The following FBXL17 variants were observed in gnomAD, a reference collection of about 807,000 sequenced individuals.
FBXL17 encodes F-box and leucine rich repeat protein 17, also known as F-box/LRR-repeat protein 17.
In FBXL17, 22 loss-of-function variants were observed where a neutral mutation model predicts 66.2. The ratio of observed to expected loss-of-function variants is 0.33; its 90% CI spans 0.24 to 0.47. The LOEUF (loss-of-function observed/expected upper bound fraction) is 0.47. Ranked by LOEUF, FBXL17 falls within the 20% of genes least tolerant of loss-of-function variation. The pLI is 1.00. For synonymous variants in FBXL17, 474 were observed against 400.5 expected (o/e 1.18, Z -2.19); for missense variants, 878 against 948.2 (o/e 0.93, Z 0.97).
rs559536344 is a variant in FBXL17 at position 108,033,998 on chromosome 5, T to C, written c.1746-12997A>G. On this transcript the variant is annotated intron_variant, in intron 6 of 8. Transcript: ENST00000542267. ...TAAAAATATATATGTGTCATATAAT[T>C]AATGCATTTTACAGGCAATACTTGT... 2.2e-4 allele frequency among the ~76,000 whole-genome samples: 34 copies of C among 152,302 alleles called. No individual in the cohort carries two copies. The South Asian group carries it at 5.6e-3, about 25-fold the overall frequency.
chr5:108,010,656 A>G (rs1451282417), intron 7 of FBXL17, among the ~76,000 whole-genome samples: 1 of 152,186 alleles, frequency 6.6e-6, no homozygotes, highest in Non-Finnish European at 1.5e-5. Flanking sequence ...CTCTACCATA[A>G]CGTGCATAAG....
At chr5:108,182,377 T>C (rs921139599) in intron 6 of FBXL17, among the ~76,000 whole-genome samples, 3 of 152,146 alleles carry the variant, frequency 2.0e-5, no homozygotes, top group African/African-American at 7.2e-5. Flanking sequence ...TTTATACCAA[T>C]ATAACTACAA....
intron 7 of FBXL17, among the ~76,000 whole-genome samples, chr5:107,912,497 C>T (rs977784846): frequency 1.3e-5 from 2 of 152,012 alleles, no homozygotes; most frequent in African/African-American, 4.8e-5. Flanking sequence ...GAACAAAGTA[C>T]ATCTATATGT....
At chr5:108,245,426 A>C (rs987898825) in intron 4 of FBXL17, among the ~76,000 whole-genome samples, 16 of 152,222 alleles carry the variant, frequency 1.1e-4, no homozygotes, top group Non-Finnish European at 1.3e-4. Context: ...CATTTCTTAC[A>C]TATTCATGTT....
intron 4 of FBXL17, among the ~76,000 whole-genome samples, chr5:108,231,929 C>T (rs1005454441): frequency 2.6e-5 from 4 of 152,112 alleles, no homozygotes; most frequent in South Asian, 2.1e-4. Flanking sequence ...GGACTACAAA[C>T]GGTCCAGACT....
intron 7 of FBXL17, among the ~76,000 whole-genome samples, chr5:107,978,766 G>A (rs962302984): frequency 3.9e-5 from 6 of 152,164 alleles, no homozygotes; most frequent in Admixed American, 3.3e-4. Context: ...CCTTCGGAGA[G>A]ACTGGCTGAA....
chr5:108,028,962 C>G (rs900303373), intron 6 of FBXL17, among the ~76,000 whole-genome samples: 1 of 151,982 alleles, frequency 6.6e-6, no homozygotes, highest in African/African-American at 2.4e-5. Context: ...TAATTTGATG[C>G]CTTTGAAAGC....
chr5:108,021,150 C>T, intron 6 of FBXL17, 149 bp from the exon 7 acceptor site: 1 of 545,976 alleles, frequency 1.8e-6, no homozygotes, highest in Admixed American at 3.1e-5. Context: ...GCTTTAAAGT[C>T]AAGTGCTGTC....
intron 6 of FBXL17, among the ~76,000 whole-genome samples, chr5:108,154,182 G>A (rs545599756): frequency 3.3e-5 from 5 of 151,268 alleles, no homozygotes; most frequent in Admixed American, 1.3e-4. Flanking sequence ...CTTCAAAATG[G>A]GAGAATGAGA....
At chr5:108,182,021 G>A (rs977601863) in intron 6 of FBXL17, among the ~76,000 whole-genome samples, 3 of 152,098 alleles carry the variant, frequency 2.0e-5, no homozygotes, top group Admixed American at 6.6e-5. Flanking sequence ...ATGAGAACAC[G>A]TGTAAAGTGC....
chr5:108,320,183 C>T (rs1263412346), intron 4 of FBXL17, among the ~76,000 whole-genome samples: 2 of 151,456 alleles, frequency 1.3e-5, no homozygotes, highest in Non-Finnish European at 3.0e-5. Flanking sequence ...TCTTTTACGC[C>T]CTTCTTTGTT....
At chr5:107,877,405 G>A (rs1319521019) in intron 8 of FBXL17, among the ~76,000 whole-genome samples, 4 of 152,136 alleles carry the variant, frequency 2.6e-5, no homozygotes, top group African/African-American at 4.8e-5. Flanking sequence ...GAGAGACGGC[G>A]GGTGGGGGTC....
intron 6 of FBXL17, among the ~76,000 whole-genome samples, chr5:108,154,214 G>T (rs1015680891): frequency 3.4e-5 from 5 of 147,370 alleles, no homozygotes; most frequent in Non-Finnish European, 5.9e-5. Flanking sequence ...GAGAGAAAGG[G>T]ATATTACAGA....
At chr5:108,068,526 G>C (rs1054354182) in intron 6 of FBXL17, among the ~76,000 whole-genome samples, 1 of 151,860 alleles carries the variant, frequency 6.6e-6, no homozygotes, top group African/African-American at 2.4e-5. Flanking sequence ...CGCAATCTCG[G>C]CTCACTGCAA....
chr5:108,154,646 CACAT>C (rs1458776924), intron 6 of FBXL17, among the ~76,000 whole-genome samples: 1,391 of 127,750 alleles, frequency 0.011, 41 homozygotes, highest in African/African-American at 0.038. Flanking sequence ...CACACACACA[CACAT>C]ATATGTATAT....
intron 7 of FBXL17, among the ~76,000 whole-genome samples, chr5:107,906,138 A>G (rs1749750124): frequency 6.6e-6 from 1 of 152,000 alleles, no homozygotes. Context: ...CTTTTCTTGG[A>G]AACTAGATGA....
At chr5:108,213,644 T>C (rs1227808902) in intron 5 of FBXL17, among the ~76,000 whole-genome samples, 1 of 152,164 alleles carries the variant, frequency 6.6e-6, no homozygotes, top group Admixed American at 6.5e-5. Flanking sequence ...CCCAGTGAGA[T>C]GAACCGGGTA....
At chr5:107,999,476 C>CAA (rs1398722534) in intron 7 of FBXL17, among the ~76,000 whole-genome samples, 26 of 149,656 alleles carry the variant, frequency 1.7e-4, no homozygotes, top group Non-Finnish European at 3.4e-4. Flanking sequence ...CACACACACA[C>CAA]ACACACACCA....
At chr5:108,289,337 G>A (rs1172850629) in intron 4 of FBXL17, among the ~76,000 whole-genome samples, 3 of 152,046 alleles carry the variant, frequency 2.0e-5, no homozygotes, top group Non-Finnish European at 4.4e-5. Context: ...CTTGAATTAG[G>A]AAGTTACATC....
Sources: gnomAD v4.1 joint callset for allele counts (sites outside exome capture counted in the v4.1 genomes callset) on GRCh38, gnomAD v4.1.1 for gene constraint, MANE v1.5 for transcripts, NCBI Gene and HGNC (gene_info 2026-07-23, HGNC 2026-07-21) for gene names.